Variants in IGDCC4 observed in about 807,000 individuals in gnomAD.
IGDCC4 encodes the protein likely ortholog of mouse neighbor of Punc E11.
A neutral mutation model predicts 116.6 loss-of-function variants in IGDCC4; 72 were observed. The observed-to-expected ratio is 0.62, with a 90% CI of 0.51 to 0.75. The LOEUF (loss-of-function observed/expected upper bound fraction) is 0.75, where lower values mean the gene tolerates loss of function less well. Among genes scored for constraint, IGDCC4 ranks in the 30% least tolerant of loss-of-function variants. IGDCC4 has a pLI of 0.00. For missense variants in IGDCC4, 1,501 were observed against 1,662.4 expected (o/e 0.90, Z 1.69); for synonymous variants, 709 against 719.9 (o/e 0.98, Z 0.24).
In IGDCC4 at chr15:65,407,789, G is replaced by C. The variant is rs181779979; in HGVS notation, c.563+2389C>G. Among the ~76,000 whole-genome samples the C allele has an allele frequency of 7.1e-3, 994 of 139,486 alleles. 11 individuals are homozygous for C. Among genetic ancestry groups the C allele is most frequent in the African/African-American group, 0.027 (952 of 35,618 alleles). The allele number at this position is 139,486 out of a possible 152,430, so 91.5% of individuals were successfully genotyped here. ...TTACAGGCATGCGTCACCACGCCTG[G>C]ATAATTTTTGTATTTTTTTTTTTTT... is the stretch of plus-strand genomic sequence containing the variant. On this transcript the variant is annotated intron_variant, in intron 3 of 19. Coordinates refer to ENST00000352385, the MANE Select transcript of IGDCC4 (RefSeq NM_020962.3).
chr15:65,411,483 T>A, intron 1 of IGDCC4, 113 bp from the exon 2 acceptor site: 2 of 840,060 alleles, frequency 2.4e-6, no homozygotes, highest in Non-Finnish European at 3.6e-6. Context: ...AACACCTGCA[T>A]CTGGATCCTG....
chr15:65,411,111 C>T lies in IGDCC4; in HGVS notation c.330G>A (p.Glu110=), dbSNP rs775661491. Residue 110 remains glutamate, a synonymous_variant, in exon 2 of 20, where the codon GAG becomes GAA. Coordinates refer to ENST00000352385, the MANE Select transcript of IGDCC4 (RefSeq NM_020962.3). ...APNGSDESVP[E]AVGVIEGNYS... is the part of the protein sequence containing the mutation. ...AGTTGCCTTCAATGACCCCCACAGC[C>T]TCAGGGACTGACTCGTCACTGCCAT... 1.2e-6 allele frequency: 2 copies of T among 1,614,246 alleles called. No homozygotes were observed. The highest frequency in any genetic ancestry group is 8.5e-7 in the Non-Finnish European group (1 of 1,180,042).
chr15:65,392,101 T>C, intron 11 of IGDCC4, 33 bp downstream of exon 11: 1 of 1,502,606 alleles, frequency 6.7e-7, no homozygotes, highest in Admixed American at 1.9e-5. Context: ...TGAAGCTACA[T>C]CCCTCCCTCC....
rs59690408 is a variant in IGDCC4 at position 65,413,024 on chromosome 15, A to ATGTGTGTGTGTGTG, written c.71-1668_71-1655dup. ...TAAAATGTATTATAAGTGTGAGAAA[A>ATGTGTGTGTGTGTG]TGTGTGTGTGTGTGTGTGTGTGTGT... On this transcript the variant is annotated intron_variant, in intron 1 of 19. Transcript: ENST00000352385. Among the ~76,000 whole-genome samples, 327 of 146,050 alleles carry ATGTGTGTGTGTGTG rather than the reference A, an allele frequency of 2.2e-3. 1 individual carries two copies. The highest frequency in any genetic ancestry group is 7.7e-3 in the African/African-American group (305 of 39,608).
At chr15:65,386,090 C>T in intron 17 of IGDCC4, 31 bp from the exon 18 acceptor site, 7 of 1,379,554 alleles carry the variant, frequency 5.1e-6, no homozygotes, top group South Asian at 1.5e-5. Context: ...CAAGGCATAG[C>T]GGTCAGAGTA....
Position 65,411,321 on chromosome 15 carries a change from C to T in IGDCC4, c.120G>A (p.Val40=). 1.9e-6 allele frequency: 3 copies of T among 1,604,868 alleles called. No homozygotes were observed. The highest frequency in any genetic ancestry group is 1.7e-6 in the Non-Finnish European group (2 of 1,174,640). The change falls in exon 2 of 20, where the codon GTG becomes GTA. Residue 40 remains valine (V), a synonymous_variant. Coordinates refer to ENST00000352385, the MANE Select transcript of IGDCC4 (RefSeq NM_020962.3). ...GGCCCAGGATCACTTGCAGTGGCCC[C>T]ACTCCACAGCTCAGCTCCACAGTCG... ...QETTVELSCG[V]GPLQVILGPE...
Position 65,402,281 on chromosome 15 carries a change from G to A in IGDCC4, c.700+70C>T, listed in dbSNP as rs2062994336. On this transcript the variant is annotated intron_variant, in intron 4 of 19. Transcript: ENST00000352385. ...TGAAGGCAAGGCCTGGACCCCTTGA[G>A]GTCCCTCCCAGCTCTGAGGTGGCTG... 5.9e-6 allele frequency: 9 copies of A among 1,519,168 alleles called. No homozygotes were observed. In the South Asian group the frequency reaches 8.7e-5, roughly 15 times the overall value. The allele number at this position is 1,519,168 out of a possible 1,614,324, so 94.1% of individuals were successfully genotyped here.
intron 5 of IGDCC4, 130 bp downstream of exon 5, chr15:65,400,676 A>T (rs767736267): frequency 4.8e-5 from 55 of 1,144,788 alleles, no homozygotes; most frequent in Middle Eastern, 3.0e-4. Context: ...GCCCTGGGAA[A>T]GGAGTTCGTG....
chr15:65,401,957 C>CA (rs2062990997), intron 4 of IGDCC4, among the ~76,000 whole-genome samples: 2 of 91,308 alleles, frequency 2.2e-5, no homozygotes, highest in South Asian at 9.2e-4. Flanking sequence ...GAGGGACGAA[C>CA]CCCCAGTGCC....
intron 3 of IGDCC4, among the ~76,000 whole-genome samples, chr15:65,404,559 T>A (rs1339618215): frequency 1.3e-5 from 2 of 152,194 alleles, no homozygotes; most frequent in African/African-American, 4.8e-5. Flanking sequence ...GGGAACTGCC[T>A]ACATTTCCTA....
chr15:65,407,806 T>TC (rs1414623838), intron 3 of IGDCC4, among the ~76,000 whole-genome samples: 2 of 151,186 alleles, frequency 1.3e-5, no homozygotes, highest in African/African-American at 4.9e-5. Context: ...TTTGTATTTT[T>TC]TTTTTTTTTA....
chr15:65,400,858 C>T lies in IGDCC4; in HGVS notation c.789G>A (p.Met263Ile). 1 of 1,613,954 alleles carries T rather than the reference C, an allele frequency of 6.2e-7. No homozygotes were observed. Among genetic ancestry groups the T allele is most frequent in the Non-Finnish European group, 8.5e-7 (1 of 1,179,922 alleles). ...TTVVSGQSVV[M>I]ECVASADPTP... Reference sequence around the variant, plus strand: ...TGGGGTCAGCTGAGGCCACACATTCCATCACCACACTCTGGCCAGACACCA... The same window carrying T: ...TGGGGTCAGCTGAGGCCACACATTCTATCACCACACTCTGGCCAGACACCA... Residue 263 changes from methionine (M) to isoleucine (I), a missense_variant, in exon 5 of 20, where the codon ATG (methionine) becomes ATA (isoleucine). Transcript: ENST00000352385.
intron 1 of IGDCC4, among the ~76,000 whole-genome samples, chr15:65,415,187 G>A (rs112769202): frequency 2.6e-5 from 4 of 152,190 alleles, no homozygotes; most frequent in Non-Finnish European, 4.4e-5. Flanking sequence ...AGTAGGTTTG[G>A]GTTTCAGGGG....
chr15:65,390,130 C>T (rs1044337390), intron 13 of IGDCC4, 25 bp downstream of exon 13: 22 of 1,492,582 alleles, frequency 1.5e-5, no homozygotes, highest in Non-Finnish European at 1.9e-5. Context: ...CCCTTCTTTA[C>T]ATTAGTAAAG....
intron 6 of IGDCC4, 162 bp from the exon 7 acceptor site, chr15:65,396,325 C>A (rs1340668439): frequency 1.3e-6 from 1 of 794,626 alleles, no homozygotes; most frequent in Non-Finnish European, 2.1e-6. Context: ...CGGCTCAGCG[C>A]AGACCTACCC....
intron 3 of IGDCC4, among the ~76,000 whole-genome samples, chr15:65,408,151 A>G (rs934305601): frequency 6.6e-6 from 1 of 152,222 alleles, no homozygotes; most frequent in African/African-American, 2.4e-5. Context: ...AGAAATACCT[A>G]CATTAAAGGA....
In IGDCC4 at chr15:65,384,540, G is replaced by C. The variant is rs770593768; in HGVS notation, c.3343-121C>G. ...TCAGAGTAAGTATCACATGGGAGTC[G>C]GTGAAGGATACACAGGAACTGTTCG... is the stretch of plus-strand genomic sequence containing the variant. On this transcript the variant is annotated intron_variant, in intron 19 of 19. Coordinates refer to ENST00000352385, the MANE Select transcript of IGDCC4 (RefSeq NM_020962.3). The surrounding 1 kb of genome is among the most constrained non-coding windows in gnomAD (Gnocchi z 4.9). The C allele has an allele frequency of 1.3e-4, 124 of 976,222 alleles. No individual in the cohort carries two copies. Among genetic ancestry groups the C allele is most frequent in the Non-Finnish European group, 1.8e-4 (122 of 677,412 alleles). 60.5% of individuals were successfully genotyped at this position (976,222 alleles called of 1,614,324 possible). A position where few individuals can be genotyped will look rare whatever the true frequency, so the allele number is the denominator to read the frequency against.
In IGDCC4 at chr15:65,396,163, G is replaced by C. The variant is rs1418145320; in HGVS notation, c.998C>G (p.Ala333Gly). 2.0e-6 allele frequency: 3 copies of C among 1,492,582 alleles called. No individual in the cohort carries two copies. Among genetic ancestry groups the C allele is most frequent in the Non-Finnish European group, 2.7e-6 (3 of 1,126,726 alleles). The allele number at this position is 1,492,582 out of a possible 1,614,324, so 92.5% of individuals were successfully genotyped here. Reference protein sequence around the residue: ...ATAAAELRVLAAPAITQAPEA... With the variant: ...ATAAAELRVLGAPAITQAPEA... ...GGGCGCCTGAGTGATGGCGGGAGCC[G>C]CTAGGGGCGCGAGGGGCGACGCTGA... The change falls in exon 7 of 20, where the codon GCG (alanine) becomes GGG (glycine). Residue 333 changes from alanine to glycine, a missense_variant and splice_region_variant. By Grantham distance (60) the Ala-to-Gly change is moderately conservative. Transcript: ENST00000352385.
rs754220248 is a variant in IGDCC4, at chr15:65,400,951, C to G, written c.701-5G>C. ...CCCTGGTGGACGCCAGGGACCCTGG[C>G]GAGAAGACAGACCAGCAGGCAGCCT... On this transcript the variant is annotated splice_region_variant and splice_polypyrimidine_tract_variant and intron_variant, in intron 4 of 19. Coordinates refer to ENST00000352385, the MANE Select transcript of IGDCC4 (RefSeq NM_020962.3). 6.2e-7 allele frequency: 1 copy of G among 1,614,012 alleles called. No individual in the cohort carries two copies.
Sources: gnomAD v4.1 joint callset for allele counts (sites outside exome capture counted in the v4.1 genomes callset) on GRCh38, gnomAD v4.1.1 for gene constraint, Gnocchi (gnomAD v3.1) non-coding constraint, MANE v1.5 for transcripts, NCBI Gene and HGNC (gene_info 2026-07-23, HGNC 2026-07-21) for gene names.